Variants in SASH1 observed in about 807,000 individuals in gnomAD.
SASH1 encodes SAM and SH3 domain containing 1, also known as SAM and SH3 domain-containing protein 1.
Under a neutral mutation model 125.2 loss-of-function variants are expected in SASH1, and 44 were observed. That is an observed-to-expected ratio of 0.35 (90% CI 0.28 to 0.45). The LOEUF is 0.45. Ranked by LOEUF, SASH1 falls within the 20% of genes least tolerant of loss-of-function variation. The probability of loss-of-function intolerance (pLI) is 1.00; values close to 1 mark genes in which losing one functional copy is unlikely to be tolerated. For missense variants in SASH1, 1,426 were observed against 1,614.5 expected (o/e 0.88, Z 2.00); for synonymous variants, 639 against 649.1 (o/e 0.98, Z 0.24).
intron 4 of SASH1, among the ~76,000 whole-genome samples, chr6:148,461,367 T>C (rs9390572): frequency 0.16 from 23,597 of 152,192 alleles, 2,529 homozygotes; most frequent in East Asian, 0.52. Context: ...AAAAAACCTG[T>C]ATGGGGATTG....
the SASH1 span, among the ~76,000 whole-genome samples, chr6:148,196,230 C>T: frequency 2.0e-5 from 3 of 152,204 alleles, no homozygotes; most frequent in African/African-American, 7.2e-5. Flanking sequence ...ATAACTGGAT[C>T]ATGCTTCTCT....
chr6:148,310,844 G>A (rs146654771), intron 1 of SASH1, among the ~76,000 whole-genome samples: 12 of 152,300 alleles, frequency 7.9e-5, no homozygotes, highest in African/African-American at 1.7e-4. Flanking sequence ...GCAAGTGCTG[G>A]CAAGGATGTG....
intron 9 of SASH1, among the ~76,000 whole-genome samples, chr6:148,517,925 T>C (rs1780537318): frequency 2.6e-5 from 4 of 152,192 alleles, no homozygotes. Context: ...TACATCTGCG[T>C]GGACACCTGG....
intron 1 of SASH1, among the ~76,000 whole-genome samples, chr6:148,314,838 C>T (rs1780439509): frequency 6.6e-6 from 1 of 150,602 alleles, no homozygotes; most frequent in South Asian, 2.1e-4. Context: ...CTCACTGCAA[C>T]CTCTGCCTCC....
chr6:148,417,600 A>C (rs1784880579), intron 2 of SASH1, among the ~76,000 whole-genome samples: 1 of 151,850 alleles, frequency 6.6e-6, no homozygotes, highest in South Asian at 2.1e-4. Context: ...TAAATAAATA[A>C]ATAAATAAAA....
intron 2 of SASH1, among the ~76,000 whole-genome samples, chr6:148,407,322 T>C (rs1279027914): frequency 1.3e-5 from 2 of 152,228 alleles, no homozygotes; most frequent in Admixed American, 6.5e-5. Flanking sequence ...GTAAGTGGAA[T>C]TATGTAGTAT....
intron 2 of SASH1, chr6:148,393,639 A>C: frequency 1.1e-6 from 1 of 892,694 alleles, no homozygotes; most frequent in Non-Finnish European, 1.3e-6. Context: ...TATTTAGATA[A>C]TAAAACCTCC....
At chr6:148,399,261 AG>A (rs1263602409) in intron 2 of SASH1, among the ~76,000 whole-genome samples, 2 of 120,742 alleles carry the variant, frequency 1.7e-5, no homozygotes, top group Non-Finnish European at 3.2e-5. Context: ...CTTGTCTGCC[AG>A]GCTGGGGTTC....
chr6:148,504,822 G>A (rs1397467236), intron 8 of SASH1, among the ~76,000 whole-genome samples: 1 of 152,108 alleles, frequency 6.6e-6, no homozygotes, highest in Non-Finnish European at 1.5e-5. Flanking sequence ...GCCCAACATC[G>A]AGTATCTTGA....
intron 1 of SASH1, among the ~76,000 whole-genome samples, chr6:148,308,471 C>T (rs557141270): frequency 6.6e-6 from 1 of 151,074 alleles, no homozygotes; most frequent in South Asian, 2.1e-4. Context: ...CCTTGGCTCA[C>T]TGTAACCTCC....
At chr6:148,490,405 T>C (rs1779060149) in intron 8 of SASH1, among the ~76,000 whole-genome samples, 1 of 152,110 alleles carries the variant, frequency 6.6e-6, no homozygotes, top group Non-Finnish European at 1.5e-5. Flanking sequence ...AGACAGGGTT[T>C]CACCATATTG....
the SASH1 span, among the ~76,000 whole-genome samples, chr6:148,220,175 G>A: frequency 1.3e-5 from 2 of 152,276 alleles, no homozygotes; most frequent in East Asian, 3.9e-4. Flanking sequence ...AGCTCTGGAA[G>A]CTGGAAAGTG....
At chr6:148,386,806 A>G (rs947057766) in intron 1 of SASH1, among the ~76,000 whole-genome samples, 2 of 152,152 alleles carry the variant, frequency 1.3e-5, no homozygotes, top group African/African-American at 4.8e-5. Flanking sequence ...CCTCAAACTC[A>G]CACACAAAAG....
chr6:148,300,592 G>T (rs1487960466), intron 1 of SASH1, among the ~76,000 whole-genome samples: 1 of 151,840 alleles, frequency 6.6e-6, no homozygotes, highest in African/African-American at 2.4e-5. Context: ...GGAATTACAG[G>T]CATGAGTAAT....
chr6:148,216,329 G>A, the SASH1 span, among the ~76,000 whole-genome samples: 4 of 151,970 alleles, frequency 2.6e-5, no homozygotes, highest in South Asian at 2.1e-4. Flanking sequence ...AGAAATACTC[G>A]GATTTCTTGC....
chr6:148,450,675 T>A (rs181539024), intron 4 of SASH1, among the ~76,000 whole-genome samples: 12 of 143,198 alleles, frequency 8.4e-5, no homozygotes, highest in African/African-American at 3.1e-4. Flanking sequence ...TGTGTGAATC[T>A]CTTATTATAT....
intron 1 of SASH1, among the ~76,000 whole-genome samples, chr6:148,384,622 T>G (rs893968366): frequency 3.9e-5 from 6 of 152,186 alleles, no homozygotes; most frequent in African/African-American, 1.4e-4. Context: ...TTGCAAGTAT[T>G]TTTAGTAAAA....
In SASH1 at chr6:148,294,508, G is replaced by T. The variant is rs150673032; in HGVS notation, n.74+22131G>T. Among the ~76,000 whole-genome samples the T allele has an allele frequency of 2.5e-3, 377 of 152,342 alleles. 2 individuals carry two copies. The highest frequency in any genetic ancestry group is 5.8e-3 in the Admixed American group (88 of 15,304). On this transcript the variant is annotated intron_variant and non_coding_transcript_variant, in intron 1 of 3. Coordinates refer to the SASH1 transcript ENST00000367469. Reference sequence around the variant, plus strand: ...GCCCTTTCTCACCAGGAGGTAGGAAGATTAAGCAGCAACTGGTGAAACACT... The same window carrying T: ...GCCCTTTCTCACCAGGAGGTAGGAATATTAAGCAGCAACTGGTGAAACACT...
intron 1 of SASH1, among the ~76,000 whole-genome samples, chr6:148,291,146 A>G (rs573369290): frequency 1.2e-4 from 18 of 152,278 alleles, no homozygotes; most frequent in African/African-American, 4.3e-4. Context: ...AAAATCAGCC[A>G]TGGCCACAAG....
Sources: allele counts gnomAD v4.1 joint callset (sites outside exome capture counted in the v4.1 genomes callset), GRCh38; gene constraint gnomAD v4.1.1; transcripts MANE v1.5; gene names NCBI Gene and HGNC (gene_info 2026-07-23, HGNC 2026-07-21).